The following OOSP2 variants were observed in gnomAD, a reference collection of about 807,000 sequenced individuals.
OOSP2 encodes oocyte secreted protein 2, also known as oocyte-secreted protein 2.
In OOSP2, 7 loss-of-function variants were observed where a neutral mutation model predicts 13.4. That is an observed-to-expected ratio of 0.52 (90% CI 0.30 to 0.98). OOSP2 has a LOEUF of 0.98. OOSP2 is among the 50% of genes least tolerant of loss of function. The pLI is 0.07. For missense variants in OOSP2, 184 were observed against 188.5 expected (o/e 0.98, Z 0.14); for synonymous variants, 75 against 67.2 (o/e 1.12, Z -0.57).
Position 60,043,648 on chromosome 11 carries a change from G to A in OOSP2, c.243+1G>A. The A allele has an allele frequency of 2.0e-6, 3 of 1,519,244 alleles. No individual in the cohort carries two copies. The highest frequency in any genetic ancestry group is 9.1e-7 in the Non-Finnish European group (1 of 1,104,588). The allele number at this position is 1,519,244 out of a possible 1,614,324, so 94.1% of individuals were successfully genotyped here. A position where few individuals can be genotyped will look rare whatever the true frequency, so the allele number is the denominator to read the frequency against. ...TCGTGATTGTGGCATCAGGACAAGG[G>A]TAAGAACAGTGATTGTTTGTAAAAA... On this transcript the variant is annotated splice_donor_variant, in intron 2 of 3. Coordinates refer to ENST00000278855, the MANE Select transcript of OOSP2 (RefSeq NM_173801.5). LOFTEE classifies it high-confidence loss of function.
At position 60,045,366 on chromosome 11, in the gene OOSP2, CT is replaced by C. The variant is rs568222357; in HGVS notation, c.347+605del. On this transcript the variant is annotated intron_variant, in intron 3 of 3. Coordinates refer to ENST00000278855, the MANE Select transcript of OOSP2 (RefSeq NM_173801.5). ...CTAAGTGGAAAGGTATCCTGATACACTTTTTTTTTTTTTGCCATGCCATTGA... is the reference window on the plus strand; with the variant it reads ...CTAAGTGGAAAGGTATCCTGATACACTTTTTTTTTTTTGCCATGCCATTGA... Among the ~76,000 whole-genome samples, 487 of 142,538 alleles carry C rather than the reference CT, an allele frequency of 3.4e-3. 1 individual carries two copies. The highest frequency in any genetic ancestry group is 5.7e-3 in the East Asian group (28 of 4,928). 93.5% of individuals were successfully genotyped at this position (142,538 alleles called of 152,430 possible). A position where few individuals can be genotyped will look rare whatever the true frequency, so the allele number is the denominator to read the frequency against.
rs561021665 is a variant in OOSP2, at chr11:60,040,865, T to C, written c.64+342T>C. 7.9e-5 allele frequency among the ~76,000 whole-genome samples: 12 copies of C among 152,344 alleles called. No homozygotes were observed. In the South Asian group the frequency reaches 1.4e-3, roughly 18 times the overall value. ...TTACTGGTGCTTGATTGTATCACATTGTAAGATATTCAGTTGCATCTTAGC... is the reference window on the plus strand; with the variant it reads ...TTACTGGTGCTTGATTGTATCACATCGTAAGATATTCAGTTGCATCTTAGC... On this transcript the variant is annotated intron_variant, in intron 1 of 3. Transcript: ENST00000278855.
chr11:60,041,870 A>ACCCCC (rs1854934375), intron 1 of OOSP2, among the ~76,000 whole-genome samples: 6 of 145,216 alleles, frequency 4.1e-5, no homozygotes, highest in East Asian at 2.0e-4. Flanking sequence ...AAAAAAAAAA[A>ACCCCC]GCAAAACTCC....
At position 60,045,575 on chromosome 11, in the gene OOSP2, A is replaced by AT. The variant is rs920990509; in HGVS notation, c.347+810dup. 3.2e-4 allele frequency among the ~76,000 whole-genome samples: 49 copies of AT among 151,258 alleles called. No homozygotes were observed. In the South Asian group the frequency reaches 5.1e-3, roughly 16 times the overall value. On this transcript the variant is annotated intron_variant, in intron 3 of 3. Coordinates refer to ENST00000278855, the MANE Select transcript of OOSP2 (RefSeq NM_173801.5). ...GTACTTTTTCTCAAGGAGAGGCAGA[A>AT]TTTTTTTTTAATTTTGGTAAAATAT... is the stretch of plus-strand genomic sequence containing the variant.
At chr11:60,042,745 C>T (rs1854952239) in intron 1 of OOSP2, among the ~76,000 whole-genome samples, 1 of 151,656 alleles carries the variant, frequency 6.6e-6, no homozygotes, top group South Asian at 2.1e-4. Context: ...ACCACCCTTT[C>T]TCCTCTTTCT....
At position 60,046,133 on chromosome 11, in the gene OOSP2, CCTGTCTCT is replaced by C. The variant is rs200601885; in HGVS notation, c.348-799_348-792del. Among the ~76,000 whole-genome samples, 1,013 of 151,090 alleles carry C rather than the reference CCTGTCTCT, an allele frequency of 6.7e-3. 9 individuals are homozygous for C. The highest frequency in any genetic ancestry group is 0.023 in the African/African-American group (957 of 40,928). The stretch of plus-strand genomic sequence containing the variant: ...CTCTGGTCTGTCCCTGTCTCTCTGG[CCTGTCTCT>C]CTGTCTCTCTGGTCTCTCTGTCTCT... On this transcript the variant is annotated intron_variant, in intron 3 of 3. Coordinates refer to ENST00000278855, the MANE Select transcript of OOSP2 (RefSeq NM_173801.5).
chr11:60,046,030 C>CTCTG (rs1379905699), intron 3 of OOSP2, among the ~76,000 whole-genome samples: 116 of 150,754 alleles, frequency 7.7e-4, no homozygotes, highest in African/African-American at 2.5e-3. Flanking sequence ...TTGCCTCTGT[C>CTCTG]TCTGTCTGTC....
Position 60,044,756 on chromosome 11 carries a change from T to A in OOSP2, c.329T>A (p.Leu110Ter). The change falls in exon 3 of 4, where the codon TTG (leucine) becomes TAG (stop). Residue 110 changes from leucine to a stop codon, truncating the protein, a stop_gained. Transcript: ENST00000278855. LOFTEE classifies it low-confidence loss of function (END_TRUNC). ...NIDHDPQEIH[L>*]ECSTSRKSVW... ...GATCATGACCCTCAGGAAATCCATT[T>A]GGAGTGTTCCACCTCTAGGTAAGTC... 6.4e-7 allele frequency: 1 copy of A among 1,572,786 alleles called. No homozygotes were observed. Among genetic ancestry groups the A allele is most frequent in the Non-Finnish European group, 8.7e-7 (1 of 1,143,310 alleles).
rs1855015723 is a variant in OOSP2, at chr11:60,046,993, G to T, written c.397G>T (p.Asp133Tyr). The T allele has an allele frequency of 1.9e-6, 3 of 1,603,872 alleles. No homozygotes were observed. The highest frequency in any genetic ancestry group is 2.6e-6 in the Non-Finnish European group (3 of 1,170,834). Reference sequence around the variant, plus strand: ...TTCTACTGAGAATGAAATAAAATTGGATCCTAGTCCTTTTATTGCTGACTT... The same window carrying T: ...TTCTACTGAGAATGAAATAAAATTGTATCCTAGTCCTTTTATTGCTGACTT... ...PVSTENEIKLDPSPFIADFQT... is the reference protein window; with the variant it reads ...PVSTENEIKLYPSPFIADFQT... The change falls in exon 4 of 4, where the codon GAT (aspartate) becomes TAT (tyrosine). Residue 133 changes from aspartate (D) to tyrosine (Y), a missense_variant. Physicochemically the swap from Asp to Tyr is radical, Grantham distance 160 (BLOSUM62 -3). Coordinates refer to ENST00000278855, the MANE Select transcript of OOSP2 (RefSeq NM_173801.5).
intron 3 of OOSP2, among the ~76,000 whole-genome samples, chr11:60,045,299 A>G (rs142564627): frequency 7.2e-5 from 11 of 152,236 alleles, no homozygotes; most frequent in African/African-American, 2.6e-4. Context: ...ATTTTGTGGA[A>G]CTGAGATATT....
chr11:60,040,554 C>G (rs1170573677), intron 1 of OOSP2, 31 bp downstream of exon 1: 8 of 1,232,064 alleles, frequency 6.5e-6, no homozygotes, highest in South Asian at 1.2e-5. Flanking sequence ...AATGCTTCCT[C>G]GAAGGAGTTA....
chr11:60,041,951 C>T (rs540983009), intron 1 of OOSP2, among the ~76,000 whole-genome samples: 1 of 150,012 alleles, frequency 6.7e-6, no homozygotes, highest in Non-Finnish European at 1.5e-5. Context: ...CCAAGGTGGG[C>T]GGATCACGAG....
At chr11:60,046,798 C>T (rs571970968) in intron 3 of OOSP2, 146 bp from the exon 4 acceptor site, 42 of 779,726 alleles carry the variant, frequency 5.4e-5, no homozygotes, top group South Asian at 2.9e-4. Context: ...CAAGAGTCCA[C>T]GAGGATCTAG....
At chr11:60,046,457 A>G (rs1315183082) in intron 3 of OOSP2, among the ~76,000 whole-genome samples, 1 of 151,968 alleles carries the variant, frequency 6.6e-6, no homozygotes, top group Non-Finnish European at 1.5e-5. Context: ...AAAAAAAATG[A>G]AGACTTGGCC....
intron 1 of OOSP2, 64 bp downstream of exon 1, chr11:60,040,587 C>A (rs930593783): frequency 2.1e-6 from 2 of 937,682 alleles, no homozygotes; most frequent in Non-Finnish European, 3.5e-6. Context: ...GCTTTCCATG[C>A]AGGTGTTTTA....
At chr11:60,042,017 G>A (rs1394829969) in intron 1 of OOSP2, among the ~76,000 whole-genome samples, 1 of 151,964 alleles carries the variant, frequency 6.6e-6, no homozygotes, top group African/African-American at 2.4e-5. Flanking sequence ...TACTCGGGAG[G>A]CTGAGGCAGG....
chr11:60,046,187 T>TTCTCTGTCTCTCTCTCTC (rs1242093411), intron 3 of OOSP2, among the ~76,000 whole-genome samples: 150 of 149,228 alleles, frequency 1.0e-3, no homozygotes, highest in African/African-American at 3.4e-3. Flanking sequence ...CTCTCTCGGT[T>TTCTCTGTCTCTCTCTCTC]TCTCTGTCTC....
intron 2 of OOSP2, 114 bp downstream of exon 2, chr11:60,043,761 G>A (rs1171079189): frequency 1.7e-6 from 1 of 597,138 alleles, no homozygotes; most frequent in Non-Finnish European, 3.0e-6. Context: ...AGTAATTTAT[G>A]GGCAGGGGAC....
chr11:60,043,029 C>T (rs1264563694), intron 1 of OOSP2, among the ~76,000 whole-genome samples: 1 of 151,986 alleles, frequency 6.6e-6, no homozygotes, highest in Non-Finnish European at 1.5e-5. Flanking sequence ...CTCAGCCTCC[C>T]GAGTAGCTGG....
Sources: gnomAD v4.1 joint callset for allele counts (sites outside exome capture counted in the v4.1 genomes callset) on GRCh38, gnomAD v4.1.1 for gene constraint, MANE v1.5 for transcripts, NCBI Gene and HGNC (gene_info 2026-07-23, HGNC 2026-07-21) for gene names.